Variants in PKP4 observed in about 807,000 individuals in gnomAD.
PKP4 encodes the protein plakophilin-4.
A neutral mutation model predicts 145.1 loss-of-function variants in PKP4; 90 were observed. The ratio of observed to expected loss-of-function variants is 0.62; its 90% confidence interval spans 0.52 to 0.74. The LOEUF (loss-of-function observed/expected upper bound fraction) is 0.74, where lower values mean the gene tolerates loss of function less well. Ranked by LOEUF, PKP4 falls within the 30% of genes least tolerant of loss-of-function variation. The pLI is 0.00. For synonymous variants in PKP4, 563 were observed against 577.2 expected, an observed-to-expected ratio of 0.98 and a Z score of 0.35; for missense variants, 1,340 against 1,482.7, an observed-to-expected ratio of 0.90 and a Z score of 1.58.
At chr2:158,491,760 C>T (rs971256524) in intron 1 of PKP4, among the ~76,000 whole-genome samples, 2 of 151,956 alleles carry the variant, frequency 1.3e-5, no homozygotes, top group Non-Finnish European at 2.9e-5. Flanking sequence ...TTCTCTAGCC[C>T]TAGTTCTCAA....
intron 2 of PKP4, among the ~76,000 whole-genome samples, chr2:158,544,229 A>G (rs2044763607): frequency 6.6e-6 from 1 of 152,160 alleles, no homozygotes; most frequent in African/African-American, 2.4e-5. Flanking sequence ...CCTGTTAGAC[A>G]GTGGGGATAA....
chr2:158,518,085 A>G (rs922670570), intron 1 of PKP4, among the ~76,000 whole-genome samples: 1 of 152,246 alleles, frequency 6.6e-6, no homozygotes. Context: ...GGCTCAAACA[A>G]CAATGAGTTT....
intron 9 of PKP4, among the ~76,000 whole-genome samples, chr2:158,639,083 T>C (rs2054054717): frequency 6.6e-6 from 1 of 152,238 alleles, no homozygotes; most frequent in Admixed American, 6.5e-5. Context: ...TATCTAATGT[T>C]ATTTTAATAG....
Position 158,516,957 on chromosome 2 carries a change from G to A in PKP4, c.-5-16223G>A, listed in dbSNP as rs56404359. Among the ~76,000 whole-genome samples the A allele has an allele frequency of 3.7e-3, 559 of 152,078 alleles. 2 individuals are homozygous for A. Among genetic ancestry groups the A allele is most frequent in the African/African-American group, 0.012 (515 of 41,478 alleles). ...AGTACAGGCATGAGCCACTGTGCCC[G>A]GCCTACTTTTCTTATTTTTTAATAG... On this transcript the variant is annotated intron_variant, in intron 1 of 21. Coordinates refer to ENST00000389759, the MANE Select transcript of PKP4 (RefSeq NM_003628.6).
intron 1 of PKP4, among the ~76,000 whole-genome samples, chr2:158,528,458 A>G (rs1375175987): frequency 1.2e-5 from 1 of 85,306 alleles, no homozygotes; most frequent in African/African-American, 4.5e-5. Context: ...GGTCACAGGA[A>G]GGGGAATATC....
chr2:158,641,015 A>G lies in PKP4; in HGVS notation c.1695+256A>G, dbSNP rs553603751. Among the ~76,000 whole-genome samples the G allele has an allele frequency of 1.4e-4, 22 of 152,330 alleles. No individual in the cohort carries two copies. In the East Asian group the frequency reaches 2.5e-3, roughly 17 times the overall value. On this transcript the variant is annotated intron_variant, in intron 10 of 21. Coordinates refer to ENST00000389759, the MANE Select transcript of PKP4 (RefSeq NM_003628.6). Reference sequence around the variant, plus strand: ...TCATTAGCTTATTTATAAAACCATGAAGCAAAAATCAATTTAACTTGCATT... The same window carrying G: ...TCATTAGCTTATTTATAAAACCATGGAGCAAAAATCAATTTAACTTGCATT...
At chr2:158,495,567 G>C (rs1483039023) in intron 1 of PKP4, among the ~76,000 whole-genome samples, 1 of 151,986 alleles carries the variant, frequency 6.6e-6, no homozygotes, top group Non-Finnish European at 1.5e-5. Context: ...CGGGTGCCGT[G>C]GCTCCCACCT....
intron 1 of PKP4, among the ~76,000 whole-genome samples, chr2:158,472,352 G>GT (rs969787613): frequency 9.9e-5 from 15 of 152,094 alleles, no homozygotes; most frequent in African/African-American, 3.6e-4. Context: ...GCTCACGCCT[G>GT]TAATCCCAAC....
chr2:158,600,305 A>T (rs1373472220), intron 3 of PKP4, among the ~76,000 whole-genome samples: 1 of 152,282 alleles, frequency 6.6e-6, no homozygotes, highest in African/African-American at 2.4e-5. Context: ...TGTGTATTTT[A>T]AAATGTGTTT....
In PKP4 at chr2:158,680,422, T is replaced by C; in HGVS notation, c.3331-7T>C. The C allele has an allele frequency of 1.9e-6, 3 of 1,562,868 alleles. No individual in the cohort carries two copies. Among genetic ancestry groups the C allele is most frequent in the Non-Finnish European group, 2.6e-6 (3 of 1,155,774 alleles). On this transcript the variant is annotated splice_region_variant and splice_polypyrimidine_tract_variant and intron_variant, in intron 21 of 21. Transcript: ENST00000389759. ...TTTATTTATTTGCCTTTTCATTTTG[T>C]CAACAGCATCAACAGCTGTATTATA... is the stretch of plus-strand genomic sequence containing the variant.
At chr2:158,514,166 A>G (rs1293383482) in intron 1 of PKP4, among the ~76,000 whole-genome samples, 1 of 152,132 alleles carries the variant, frequency 6.6e-6, no homozygotes, top group African/African-American at 2.4e-5. Flanking sequence ...AGTTTGTTTC[A>G]TGCTCCCATT....
rs1280610556 is a variant in PKP4, at chr2:158,642,573, C to T, written c.1783C>T (p.Arg595Ter). The T allele has an allele frequency of 1.9e-6, 3 of 1,613,504 alleles. No individual in the cohort carries two copies. The highest frequency in any genetic ancestry group is 2.5e-6 in the Non-Finnish European group (3 of 1,179,674). Residue 595 changes from arginine to a stop codon, truncating the protein, a stop_gained, in exon 11 of 22, where the codon CGA becomes TGA. Coordinates refer to ENST00000389759, the MANE Select transcript of PKP4 (RefSeq NM_003628.6). LOFTEE classifies it high-confidence loss of function. The stretch of plus-strand genomic sequence containing the variant: ...TCAGAAGAATGCTTGTGGTGCCCTT[C>T]GAAACCTCGTTTTTGGCAAGTCTAC... ...EVQKNACGALRNLVFGKSTDE... is the reference protein window; with the variant it reads ...EVQKNACGAL
intron 2 of PKP4, among the ~76,000 whole-genome samples, chr2:158,536,320 T>C (rs1022162632): frequency 6.6e-6 from 1 of 152,206 alleles, no homozygotes; most frequent in African/African-American, 2.4e-5. Flanking sequence ...AAAAATAAGT[T>C]TTATGAACAT....
rs1334289477 is a variant in PKP4 at position 158,658,958 on chromosome 2, C to T, written c.2093+644C>T. 2 of 152,290 alleles carry T rather than the reference C, an allele frequency of 1.3e-5. 1 individual carries two copies. The highest frequency in any genetic ancestry group is 6.3e-3 in the Middle Eastern group (2 of 318). The allele number at this position is 152,290 out of a possible 1,614,324, so 9.4% of individuals were successfully genotyped here. The stretch of plus-strand genomic sequence containing the variant: ...GAGAGAGTGGGCTCTGGTCTCAGAC[C>T]ACCTGGCTTCCAGGACCCGTTTGAG... On this transcript the variant is annotated intron_variant, in intron 12 of 21. Transcript: ENST00000389759.
At chr2:158,596,047 GA>G (rs1553455364) in intron 3 of PKP4, among the ~76,000 whole-genome samples, 1 of 143,166 alleles carries the variant, frequency 7.0e-6, no homozygotes, top group Non-Finnish European at 1.5e-5. Flanking sequence ...TTTTAACTTA[GA>G]AATAGACCTT....
chr2:158,625,206 G>C lies in PKP4; in HGVS notation c.932G>C (p.Arg311Thr). ...GPTPQYQTTA[R>T]VGSPLTLTDA... The stretch of plus-strand genomic sequence containing the variant: ...ACCCCTCAATACCAAACCACCGCCA[G>C]AGTGGGGTCCCCACTGACCCTGACG... Residue 311 changes from arginine (R) to threonine (T), a missense_variant, in exon 7 of 22, where the codon AGA (arginine) becomes ACA (threonine). Coordinates refer to ENST00000389759, the MANE Select transcript of PKP4 (RefSeq NM_003628.6). The C allele has an allele frequency of 6.2e-7, 1 of 1,614,164 alleles. No homozygotes were observed. Among genetic ancestry groups the C allele is most frequent in the Non-Finnish European group, 8.5e-7 (1 of 1,180,026 alleles).
chr2:158,587,421 A>G (rs2048894692), intron 3 of PKP4, among the ~76,000 whole-genome samples: 1 of 152,086 alleles, frequency 6.6e-6, no homozygotes, highest in South Asian at 2.1e-4. Context: ...TTATAATATT[A>G]GCCCTTACCC....
Position 158,557,075 on chromosome 2 carries a change from C to A in PKP4, c.133-20196C>A, listed in dbSNP as rs114863400. ...TGGTGTAGCCTTAGACATTCATGAT[C>A]TACACCTCTAAAATGAGATTAATAG... On this transcript the variant is annotated intron_variant, in intron 2 of 21. Transcript: ENST00000389759. 2.8e-3 allele frequency among the ~76,000 whole-genome samples: 419 copies of A among 152,166 alleles called. 1 individual carries two copies. Among genetic ancestry groups the A allele is most frequent in the Admixed American group, 6.3e-3 (96 of 15,288 alleles).
chr2:158,632,219 G>A (rs1288783371), intron 8 of PKP4, among the ~76,000 whole-genome samples: 3 of 152,096 alleles, frequency 2.0e-5, no homozygotes, highest in Non-Finnish European at 2.9e-5. Context: ...GACTCTCCTC[G>A]GGTTAGATGC....
Sources: allele counts gnomAD v4.1 joint callset (sites outside exome capture counted in the v4.1 genomes callset), GRCh38; gene constraint gnomAD v4.1.1; transcripts MANE v1.5; gene names NCBI Gene and HGNC (gene_info 2026-07-23, HGNC 2026-07-21).